The following RHOH variants were observed in gnomAD, a reference collection of about 807,000 sequenced individuals.
The protein encoded by RHOH is ras homolog family member H, also known as rho-related GTP-binding protein RhoH.
Under a neutral mutation model 13.8 loss-of-function variants are expected in RHOH, and 6 were observed. The ratio of observed to expected loss-of-function variants is 0.44; its 90% CI spans 0.24 to 0.86. RHOH has a LOEUF of 0.86. Among genes scored for constraint, RHOH ranks in the 40% least tolerant of loss-of-function variants. RHOH has a pLI of 0.24. For synonymous variants in RHOH, 117 were observed against 103.0 expected, an observed-to-expected ratio of 1.14 and a Z score of -0.82; for missense variants, 147 against 244.5, an observed-to-expected ratio of 0.60 and a Z score of 2.66.
chr4:40,207,071 G>A (rs1160869348), intron 1 of RHOH, among the ~76,000 whole-genome samples: 1 of 152,082 alleles, frequency 6.6e-6, no homozygotes, highest in Non-Finnish European at 1.5e-5. Context: ...GCCAGGCATG[G>A]TGGCAGGCAC....
intron 1 of RHOH, among the ~76,000 whole-genome samples, chr4:40,212,109 T>C (rs1725338870): frequency 6.6e-6 from 1 of 152,206 alleles, no homozygotes; most frequent in South Asian, 2.1e-4. Context: ...CCTCAACTGC[T>C]TTATAAATTA....
intron 1 of RHOH, among the ~76,000 whole-genome samples, chr4:40,202,140 T>C (rs1724093751): frequency 6.6e-6 from 1 of 151,360 alleles, no homozygotes; most frequent in African/African-American, 2.4e-5. Context: ...AGAGACGGGG[T>C]CTCACTTTGT....
rs1238680529 is a variant in RHOH, at chr4:40,197,077, A to G, written c.-554A>G. On this transcript the variant is annotated 5_prime_UTR_variant, in exon 1 of 3. Transcript: ENST00000381799. ...CTGCCCCACACACACTAACCCAACC[A>G]TCTTGGGGTGGACTCCCTGCCAGCC... is the stretch of plus-strand genomic sequence containing the variant. 2 of 152,002 alleles carry G rather than the reference A, an allele frequency of 1.3e-5. No homozygotes were observed. Among genetic ancestry groups the G allele is most frequent in the Non-Finnish European group, 1.5e-5 (1 of 68,018 alleles). The allele number at this position is 152,002 out of a possible 1,614,324, so 9.4% of individuals were successfully genotyped here. A position where few individuals can be genotyped will look rare whatever the true frequency, so the allele number is the denominator to read the frequency against.
intron 1 of RHOH, among the ~76,000 whole-genome samples, chr4:40,223,393 C>T (rs1726818233): frequency 6.6e-6 from 1 of 151,860 alleles, no homozygotes; most frequent in African/African-American, 2.4e-5. Context: ...GCAACCACTA[C>T]CCTGATCAAT....
At chr4:40,194,002 A>T (rs533359524), upstream of RHOH, among the ~76,000 whole-genome samples, 1 of 152,138 alleles carries the variant, frequency 6.6e-6, no homozygotes, top group African/African-American at 2.4e-5. Flanking sequence ...CTCCCCTTCT[A>T]CTTAGGAGAT....
At chr4:40,198,174 G>A (rs1338056662) in intron 1 of RHOH, among the ~76,000 whole-genome samples, 1 of 152,216 alleles carries the variant, frequency 6.6e-6, no homozygotes, top group African/African-American at 2.4e-5. Context: ...TGAATTCCAT[G>A]GAGGGGGCCT....
chr4:40,236,013 G>A (rs1015380931), intron 1 of RHOH, among the ~76,000 whole-genome samples: 13 of 151,420 alleles, frequency 8.6e-5, no homozygotes, highest in African/African-American at 3.2e-4. Context: ...AAAAAAAGGG[G>A]TGGCTAGGAA....
intron 1 of RHOH, among the ~76,000 whole-genome samples, chr4:40,233,887 C>T (rs1560281453): frequency 6.6e-6 from 1 of 151,710 alleles, no homozygotes; most frequent in Non-Finnish European, 1.5e-5. Flanking sequence ...GATCATGCCA[C>T]TGCAGTCCAG....
intron 1 of RHOH, among the ~76,000 whole-genome samples, chr4:40,239,613 T>C (rs994482205): frequency 1.3e-5 from 2 of 152,232 alleles, no homozygotes; most frequent in Non-Finnish European, 2.9e-5. Flanking sequence ...GCACAGTGGC[T>C]CACGCCTGTA....
intron 1 of RHOH, among the ~76,000 whole-genome samples, chr4:40,200,791 A>T (rs1249643075): frequency 6.6e-6 from 1 of 152,224 alleles, no homozygotes; most frequent in African/African-American, 2.4e-5. Context: ...TGTTGTATAC[A>T]TGTAGAAGCT....
At chr4:40,213,733 T>C (rs1725556532) in intron 1 of RHOH, among the ~76,000 whole-genome samples, 1 of 151,694 alleles carries the variant, frequency 6.6e-6, no homozygotes, top group Non-Finnish European at 1.5e-5. Context: ...CCATTGTAAT[T>C]TTCCTTCTTC....
intron 1 of RHOH, chr4:40,205,863 C>T (rs1364735331): frequency 1.3e-5 from 2 of 152,114 alleles, no homozygotes; most frequent in African/African-American, 4.8e-5. Flanking sequence ...TGTGGGATAG[C>T]ATAAAAATTG....
chr4:40,210,622 A>G (rs934303022), intron 1 of RHOH, among the ~76,000 whole-genome samples: 1 of 145,580 alleles, frequency 6.9e-6, no homozygotes, highest in Non-Finnish European at 1.5e-5. Context: ...CAATTCCCTT[A>G]GAGCATACAT....
intron 1 of RHOH, among the ~76,000 whole-genome samples, chr4:40,225,116 T>C (rs1727063129): frequency 6.6e-6 from 1 of 152,120 alleles, no homozygotes. Context: ...TCATTTTTGT[T>C]TTTTGTTTGT....
chr4:40,246,476 T>C lies in RHOH; in HGVS notation c.*2514T>C, dbSNP rs1050619088. 1 of 152,336 alleles carries C rather than the reference T, an allele frequency of 6.6e-6. No individual in the cohort carries two copies. Among genetic ancestry groups the C allele is most frequent in the South Asian group, 2.1e-4 (1 of 4,826 alleles). The allele number at this position is 152,336 out of a possible 1,614,324, so 9.4% of individuals were successfully genotyped here. Reference sequence around the variant, plus strand: ...GCGGGAGCCAAGCTTAACAGCTCCGTCTGGGAACTCTCATACCTGAGACCA... The same window carrying C: ...GCGGGAGCCAAGCTTAACAGCTCCGCCTGGGAACTCTCATACCTGAGACCA... On this transcript the variant is annotated 3_prime_UTR_variant, in exon 3 of 3. Coordinates refer to ENST00000381799, the MANE Select transcript of RHOH (RefSeq NM_004310.5).
chr4:40,194,353 C>T (rs1171973412), upstream of RHOH, among the ~76,000 whole-genome samples: 4 of 152,134 alleles, frequency 2.6e-5, no homozygotes, highest in East Asian at 5.8e-4. Flanking sequence ...CTCAGCCTCT[C>T]GAGTAGCTGG....
intron 1 of RHOH, chr4:40,200,324 G>A (rs948726920): frequency 4.6e-5 from 7 of 152,318 alleles, no homozygotes; most frequent in African/African-American, 1.7e-4. Flanking sequence ...CAGAGACCAC[G>A]ATCATGTGTC....
rs1251584524 is a variant in RHOH at position 40,244,215 on chromosome 4, A to G, written c.*253A>G. ...GATGAATATTCCATCTTTGATTAAA[A>G]AAGTGAAATAGTCTCCATAATTTTG... On this transcript the variant is annotated 3_prime_UTR_variant, in exon 3 of 3. Transcript: ENST00000381799. 2.6e-6 allele frequency: 1 copy of G among 380,718 alleles called. No individual in the cohort carries two copies. Among genetic ancestry groups the G allele is most frequent in the Non-Finnish European group, 4.9e-6 (1 of 204,892 alleles). The allele number at this position is 380,718 out of a possible 1,614,324, so 23.6% of individuals were successfully genotyped here.
intron 1 of RHOH, among the ~76,000 whole-genome samples, chr4:40,215,004 C>G (rs1725709940): frequency 6.6e-6 from 1 of 152,144 alleles, no homozygotes; most frequent in Non-Finnish European, 1.5e-5. Flanking sequence ...ATAAGCAAAT[C>G]TTGTGACTGT....
Sources: gnomAD v4.1 joint callset for allele counts (sites outside exome capture counted in the v4.1 genomes callset) on GRCh38, gnomAD v4.1.1 for gene constraint, MANE v1.5 for transcripts, NCBI Gene and HGNC (gene_info 2026-07-23, HGNC 2026-07-21) for gene names.